The following AKAP13 variants were observed in gnomAD, a reference collection of about 807,000 sequenced individuals.
AKAP13 encodes the protein A-kinase anchor protein 13.
Under a neutral mutation model 264.5 loss-of-function variants are expected in AKAP13, and 80 were observed. The observed-to-expected ratio is 0.30, with a 90% CI of 0.25 to 0.36. AKAP13 has a LOEUF of 0.36. Among genes scored for constraint, AKAP13 ranks in the 10% least tolerant of loss-of-function variants. AKAP13 has a pLI of 1.00. For missense variants in AKAP13, 3,712 were observed against 3,435.2 expected (o/e 1.08, Z -2.01); for synonymous variants, 1,380 against 1,250.2 (o/e 1.10, Z -2.19).
At position 85,580,508 on chromosome 15, in the gene AKAP13, G is replaced by T; in HGVS notation, c.2440G>T (p.Ala814Ser). 6.2e-7 allele frequency: 1 copy of T among 1,614,244 alleles called. No homozygotes were observed. Among genetic ancestry groups the T allele is most frequent in the Non-Finnish European group, 8.5e-7 (1 of 1,180,046 alleles). ...FVPSQKEKGT[A>S]TPELHTATDY... is the part of the protein sequence containing the mutation. ...CCCCTCCCAGAAAGAAAAGGGAACA[G>T]CAACTCCTGAACTACATACAGCTAC... The change falls in exon 7 of 37, where the codon GCA becomes TCA. Residue 814 changes from alanine (A) to serine (S), a missense_variant. Coordinates refer to ENST00000394518, the MANE Select transcript of AKAP13 (RefSeq NM_007200.5).
intron 8 of AKAP13, among the ~76,000 whole-genome samples, chr15:85,612,374 T>C (rs2080677325): frequency 6.6e-6 from 1 of 152,248 alleles, no homozygotes; most frequent in Non-Finnish European, 1.5e-5. Context: ...CTTTTCAAGA[T>C]CTAGATTACC....
At position 85,713,501 on chromosome 15, in the gene AKAP13, A is replaced by G. The variant is rs16943567; in HGVS notation, c.5600-2287A>G. Among the ~76,000 whole-genome samples the G allele has an allele frequency of 3.4e-3, 447 of 132,072 alleles. 3 individuals carry two copies. The highest frequency in any genetic ancestry group is 0.012 in the African/African-American group (428 of 34,862). The allele number at this position is 132,072 out of a possible 152,430, so 86.6% of individuals were successfully genotyped here. A position where few individuals can be genotyped will look rare whatever the true frequency, so the allele number is the denominator to read the frequency against. ...ACCTCCCTTCAGAAACATTCAGGTT[A>G]TGCTCCAGGCCCTTTAACTCTTAAG... On this transcript the variant is annotated intron_variant, in intron 19 of 36. Transcript: ENST00000394518.
In AKAP13 at chr15:85,700,144, C is replaced by G. The variant is rs532574740; in HGVS notation, c.5464+6693C>G. 1.4e-4 allele frequency among the ~76,000 whole-genome samples: 22 copies of G among 152,194 alleles called. No homozygotes were observed. The East Asian group carries it at 4.2e-3, about 29-fold the overall frequency. Reference sequence around the variant, plus strand: ...CTAGGTTACAAATAGTTGAAATTTGCCCTCTTTGGCTATATTAAGTCTTTG... The same window carrying G: ...CTAGGTTACAAATAGTTGAAATTTGGCCTCTTTGGCTATATTAAGTCTTTG... On this transcript the variant is annotated intron_variant, in intron 17 of 36. Coordinates refer to ENST00000394518, the MANE Select transcript of AKAP13 (RefSeq NM_007200.5).
chr15:85,531,099 G>C (rs2077227829), intron 3 of AKAP13, among the ~76,000 whole-genome samples: 1 of 152,156 alleles, frequency 6.6e-6, no homozygotes, highest in Non-Finnish European at 1.5e-5. Context: ...GGCCTCAAGT[G>C]ATCTGCCTGC....
At position 85,721,701 on chromosome 15, in the gene AKAP13, A is replaced by G. The variant is rs189733655; in HGVS notation, c.6253-290A>G. Among the ~76,000 whole-genome samples, 28 of 152,288 alleles carry G rather than the reference A, an allele frequency of 1.8e-4. 1 individual carries two copies. The highest frequency in any genetic ancestry group is 3.2e-4 in the Non-Finnish European group (22 of 68,006). On this transcript the variant is annotated intron_variant, in intron 23 of 36. Transcript: ENST00000394518. ...AAATAGAAGTTAGAATACATTTTGC[A>G]TTTTCCGTGTGCACAGTACATAAAG...
chr15:85,700,257 G>T (rs569450198), intron 17 of AKAP13, among the ~76,000 whole-genome samples: 281 of 152,306 alleles, frequency 1.8e-3, no homozygotes, highest in Non-Finnish European at 3.1e-3. Context: ...TAATGTAGGA[G>T]AATGCACAGG....
chr15:85,536,401 A>C (rs903905628), intron 4 of AKAP13: 1 of 152,290 alleles, frequency 6.6e-6, no homozygotes, highest in Non-Finnish European at 1.5e-5. Context: ...ACCACTCTAG[A>C]AATATTTGGC....
chr15:85,411,422 T>C (rs1222444662), intron 1 of AKAP13, among the ~76,000 whole-genome samples: 1 of 152,158 alleles, frequency 6.6e-6, no homozygotes, highest in East Asian at 1.9e-4. Flanking sequence ...TCTCGTGTGA[T>C]GGACATTAAG....
chr15:85,529,278 G>C (rs2077177124), intron 3 of AKAP13, among the ~76,000 whole-genome samples: 1 of 152,112 alleles, frequency 6.6e-6, no homozygotes, highest in Admixed American at 6.5e-5. Flanking sequence ...AAAATTAGCG[G>C]GGCATGGTGG....
At chr15:85,698,462 C>T (rs2085693418) in intron 17 of AKAP13, among the ~76,000 whole-genome samples, 1 of 51,018 alleles carries the variant, frequency 2.0e-5, no homozygotes, top group Non-Finnish European at 3.8e-5. Flanking sequence ...AAGACTCTGT[C>T]TCCAAAAAAA....
intron 8 of AKAP13, among the ~76,000 whole-genome samples, chr15:85,632,084 G>C (rs2081859536): frequency 6.6e-6 from 1 of 152,080 alleles, no homozygotes; most frequent in African/African-American, 2.4e-5. Flanking sequence ...TTGTTAATGT[G>C]GTGGATCGGA....
At chr15:85,420,170 T>C (rs2072456532) in intron 1 of AKAP13, among the ~76,000 whole-genome samples, 1 of 151,714 alleles carries the variant, frequency 6.6e-6, no homozygotes, top group African/African-American at 2.4e-5. Flanking sequence ...CTCGATCTCC[T>C]GACCTCGTGA....
At position 85,392,251 on chromosome 15, in the gene AKAP13, ATTTTT is replaced by A. The variant is rs57208601; in HGVS notation, c.-12+11470_-12+11474del. Among the ~76,000 whole-genome samples the A allele has an allele frequency of 7.5e-5, 8 of 106,348 alleles. 1 individual carries two copies. Among genetic ancestry groups the A allele is most frequent in the Admixed American group, 9.7e-5 (1 of 10,298 alleles). 69.8% of individuals were successfully genotyped at this position (106,348 alleles called of 152,430 possible). A position where few individuals can be genotyped will look rare whatever the true frequency, so the allele number is the denominator to read the frequency against. On this transcript the variant is annotated intron_variant, in intron 1 of 36. Transcript: ENST00000394518. ...GTCTTAAAAATGTGAGCCCTTAATA[ATTTTT>A]TTTTTTTTTTTTTTTTGAGATGGAG...
intron 1 of AKAP13, among the ~76,000 whole-genome samples, chr15:85,437,375 G>C (rs2073360646): frequency 6.6e-6 from 1 of 152,166 alleles, no homozygotes; most frequent in African/African-American, 2.4e-5. Context: ...ATTCACAGCT[G>C]AATTCTACCA....
Position 85,710,583 on chromosome 15 carries a change from C to G in AKAP13, c.5537C>G (p.Pro1846Arg), listed in dbSNP as rs1415467986. The part of the protein sequence containing the change: ...ASCAKVKMKQ[P>R]KGSLQAHDTS... ...ACTTACTTTCTTTCTCTTTAGCAGC[C>G]CAAAGGGAGCCTTCAGGCACATGAC... Residue 1846 changes from proline to arginine, a missense_variant, in exon 19 of 37, where the codon CCC (proline) becomes CGC (arginine). Around this residue, in one of 3 missense-constraint regions of AKAP13, gnomAD observed 2,759 missense variants for 2,411.7 expected, o/e 1.14. Transcript: ENST00000394518. 1 of 1,613,834 alleles carries G rather than the reference C, an allele frequency of 6.2e-7. No homozygotes were observed. Among genetic ancestry groups the G allele is most frequent in the East Asian group, 2.2e-5 (1 of 44,862 alleles).
chr15:85,693,002 T>C, intron 16 of AKAP13: 1 of 355,556 alleles, frequency 2.8e-6, no homozygotes, highest in Non-Finnish European at 5.0e-6. Context: ...TGCTGGTCCT[T>C]GGGTATTGTG....
intron 17 of AKAP13, among the ~76,000 whole-genome samples, chr15:85,694,376 T>C (rs1298422157): frequency 1.3e-5 from 2 of 152,228 alleles, no homozygotes; most frequent in African/African-American, 2.4e-5. Context: ...ACCCACATGG[T>C]CTCTGTCACA....
intron 29 of AKAP13, among the ~76,000 whole-genome samples, chr15:85,729,144 C>CA (rs1443007361): frequency 2.0e-5 from 3 of 151,940 alleles, no homozygotes; most frequent in East Asian, 1.9e-4. Flanking sequence ...ACTAAAAATA[C>CA]AAAAATTAGC....
intron 1 of AKAP13, among the ~76,000 whole-genome samples, chr15:85,450,863 T>C: frequency 6.6e-6 from 1 of 152,206 alleles, no homozygotes. Context: ...GTAAAAGGTC[T>C]GTCAGATCCA....
Sources: allele counts gnomAD v4.1 joint callset (sites outside exome capture counted in the v4.1 genomes callset), GRCh38; gene constraint gnomAD v4.1.1; regional missense constraint gnomAD v4.1.1; transcripts MANE v1.5; gene names NCBI Gene and HGNC (gene_info 2026-07-23, HGNC 2026-07-21).